UNC13C: variants seen among roughly 807,000 people sequenced by gnomAD.
UNC13C encodes unc-13 homolog C, also known as protein unc-13 homolog C.
In UNC13C, 174 loss-of-function variants were observed where a neutral mutation model predicts 245.4. That is an observed-to-expected ratio of 0.71 (90% confidence interval 0.63 to 0.80). The LOEUF (loss-of-function observed/expected upper bound fraction) is 0.80, where lower values mean the gene tolerates loss of function less well. Ranked by LOEUF, UNC13C falls within the 30% of genes least tolerant of loss-of-function variation. UNC13C has a pLI of 0.00. For missense variants in UNC13C, 2,829 were observed against 2,602.9 expected (o/e 1.09, Z -1.89); for synonymous variants, 992 against 895.1 (o/e 1.11, Z -1.93).
At chr15:54,059,389 T>A (rs549516603) in intron 2 of UNC13C, among the ~76,000 whole-genome samples, 37 of 152,136 alleles carry the variant, frequency 2.4e-4, no homozygotes, top group African/African-American at 7.7e-4. Context: ...ATAAAATACC[T>A]AGGAATCCAA....
At chr15:54,219,620 G>A (rs866842569) in intron 4 of UNC13C, among the ~76,000 whole-genome samples, 4 of 149,152 alleles carry the variant, frequency 2.7e-5, no homozygotes, top group African/African-American at 9.9e-5. Context: ...AAACTAAAGA[G>A]CTTCTGCACA....
At chr15:54,329,646 T>A (rs1256449883) in intron 14 of UNC13C, among the ~76,000 whole-genome samples, 1 of 152,054 alleles carries the variant, frequency 6.6e-6, no homozygotes, top group African/African-American at 2.4e-5. Context: ...TAAATAAAAT[T>A]AAAGTTCAAG....
chr15:53,976,699 T>C (rs1444780078), upstream of UNC13C: 1 of 152,062 alleles, frequency 6.6e-6, no homozygotes, highest in Non-Finnish European at 1.5e-5. Context: ...ATTTATTTCC[T>C]TCTGTAGGTT....
At chr15:54,191,660 T>A (rs886158245) in intron 4 of UNC13C, among the ~76,000 whole-genome samples, 1 of 152,162 alleles carries the variant, frequency 6.6e-6, no homozygotes, top group Non-Finnish European at 1.5e-5. Context: ...TGATTTACAC[T>A]CCCACCAACA....
At chr15:53,845,322 CA>C in the UNC13C span, among the ~76,000 whole-genome samples, 2,571 of 134,936 alleles carry the variant, frequency 0.019, 77 homozygotes, top group African/African-American at 0.064. Context: ...GAGAGTCTCT[CA>C]AAAAAAAAAA....
intron 4 of UNC13C, among the ~76,000 whole-genome samples, chr15:54,189,822 C>A (rs190238025): frequency 6.6e-6 from 1 of 151,876 alleles, no homozygotes; most frequent in Non-Finnish European, 1.5e-5. Context: ...TTGATTGCGG[C>A]GGCATCTTGA....
At chr15:54,454,126 T>G (rs998557072) in intron 19 of UNC13C, among the ~76,000 whole-genome samples, 1 of 151,494 alleles carries the variant, frequency 6.6e-6, no homozygotes, top group African/African-American at 2.4e-5. Flanking sequence ...TTTATTGTGA[T>G]ATATATATAT....
chr15:54,596,901 A>G (rs527894287), intron 30 of UNC13C, among the ~76,000 whole-genome samples: 2 of 152,260 alleles, frequency 1.3e-5, no homozygotes, highest in Admixed American at 1.3e-4. Context: ...ATGCTTGTAT[A>G]GCCTGCAGAA....
chr15:54,446,085 C>T (rs1317757940), intron 19 of UNC13C, among the ~76,000 whole-genome samples: 2 of 152,076 alleles, frequency 1.3e-5, no homozygotes, highest in African/African-American at 2.4e-5. Context: ...TCAGGTTTGT[C>T]AGAGATCAGA....
At chr15:54,567,675 C>T in intron 29 of UNC13C, 125 bp from the exon 30 acceptor site, 1 of 874,954 alleles carries the variant, frequency 1.1e-6, no homozygotes, top group Non-Finnish European at 1.6e-6. Context: ...AATGATGGAA[C>T]CATTTTTTTG....
chr15:54,399,446 A>G (rs1347632433), intron 18 of UNC13C, among the ~76,000 whole-genome samples: 2 of 151,846 alleles, frequency 1.3e-5, no homozygotes, highest in African/African-American at 4.8e-5. Flanking sequence ...TCATGACTTC[A>G]TATTACTTTG....
the UNC13C span, among the ~76,000 whole-genome samples, chr15:53,837,937 T>C: frequency 6.6e-6 from 1 of 152,180 alleles, no homozygotes; most frequent in Non-Finnish European, 1.5e-5. Flanking sequence ...CAATGCATTA[T>C]TTTAAATCAA....
intron 13 of UNC13C, chr15:54,321,706 G>T (rs77479484): frequency 8.8e-6 from 4 of 454,368 alleles, no homozygotes; most frequent in Non-Finnish European, 1.5e-5. Flanking sequence ...ATGCTTTCTC[G>T]GCAGCGTCCA....
At chr15:54,448,830 G>A (rs1430828354) in intron 19 of UNC13C, among the ~76,000 whole-genome samples, 3 of 151,270 alleles carry the variant, frequency 2.0e-5, no homozygotes, top group Admixed American at 6.6e-5. Context: ...ATGTTAGCTG[G>A]TTATTTTGCT....
At chr15:54,602,878 C>T (rs1487012710) in intron 30 of UNC13C, among the ~76,000 whole-genome samples, 1 of 9,342 alleles carries the variant, frequency 1.1e-4, no homozygotes, top group African/African-American at 4.9e-3. Context: ...CTTTTAAAGT[C>T]CCTTTCAGTG....
chr15:53,871,295 T>C, the UNC13C span, among the ~76,000 whole-genome samples: 1 of 152,192 alleles, frequency 6.6e-6, no homozygotes, highest in South Asian at 2.1e-4. Flanking sequence ...GCCATGCTTA[T>C]GTTCATTCTT....
chr15:54,176,084 T>C (rs1422398753), intron 4 of UNC13C, among the ~76,000 whole-genome samples: 1 of 152,192 alleles, frequency 6.6e-6, no homozygotes, highest in African/African-American at 2.4e-5. Flanking sequence ...TTTTTTAACA[T>C]GCTTCTGCAT....
At chr15:54,515,159 C>T (rs1894916683) in intron 24 of UNC13C, among the ~76,000 whole-genome samples, 1 of 151,898 alleles carries the variant, frequency 6.6e-6, no homozygotes, top group African/African-American at 2.4e-5. Context: ...TTTTAAAAAG[C>T]ACCTCTGGTG....
At chr15:53,968,094 G>A in the UNC13C span, 1 of 152,092 alleles carries the variant, frequency 6.6e-6, no homozygotes, top group Non-Finnish European at 1.5e-5. Flanking sequence ...TTGTTCTCAT[G>A]GTTTTGCAGA....
Sources: allele counts gnomAD v4.1 joint callset (sites outside exome capture counted in the v4.1 genomes callset), GRCh38; gene constraint gnomAD v4.1.1; transcripts MANE v1.5; gene names NCBI Gene and HGNC (gene_info 2026-07-23, HGNC 2026-07-21).